The following TTC7A variants were observed in gnomAD, a reference collection of about 807,000 sequenced individuals.
TTC7A encodes tetratricopeptide repeat protein 7A.
A neutral mutation model predicts 103.7 loss-of-function variants in TTC7A; 110 were observed. The observed-to-expected ratio is 1.06, with a 90% CI of 0.91 to 1.24. TTC7A has a LOEUF of 1.24. Ranked by LOEUF, TTC7A falls within the 50% of genes most tolerant of loss-of-function variation. The pLI is 0.00. For missense variants in TTC7A, 1,340 were observed against 1,116.3 expected, an observed-to-expected ratio of 1.20 and a Z score of -2.86; for synonymous variants, 521 against 467.9, an observed-to-expected ratio of 1.11 and a Z score of -1.47.
intron 2 of TTC7A, among the ~76,000 whole-genome samples, chr2:46,926,247 A>G (rs943731403): frequency 6.6e-5 from 10 of 152,204 alleles, no homozygotes; most frequent in African/African-American, 2.4e-4. Context: ...TCGGGGAGAC[A>G]TATTTAGTTA....
intron 14 of TTC7A, among the ~76,000 whole-genome samples, chr2:47,025,160 C>T (rs11677097): frequency 0.55 from 83,813 of 152,096 alleles, 24,773 homozygotes; most frequent in East Asian, 0.81. Flanking sequence ...TCCAGGCCGG[C>T]GGAGGGAAGC....
At chr2:47,040,772 G>A (rs530975992) in intron 15 of TTC7A, among the ~76,000 whole-genome samples, 1 of 152,206 alleles carries the variant, frequency 6.6e-6, no homozygotes, top group Non-Finnish European at 1.5e-5. Context: ...GTGGAAGTTC[G>A]TGGGACAGGT....
At chr2:46,928,131 A>G (rs1374135593) in intron 2 of TTC7A, among the ~76,000 whole-genome samples, 4 of 151,766 alleles carry the variant, frequency 2.6e-5, no homozygotes, top group Non-Finnish European at 5.9e-5. Context: ...GGCTCAGGTG[A>G]TCTGCCCACC....
intron 2 of TTC7A, among the ~76,000 whole-genome samples, chr2:46,954,763 G>T (rs555215793): frequency 6.6e-6 from 1 of 152,040 alleles, no homozygotes; most frequent in East Asian, 1.9e-4. Context: ...GTAGAGACGG[G>T]TTTTACCATG....
In TTC7A at chr2:47,007,977, A is replaced by G. The variant is rs1677602180; in HGVS notation, c.1287+1253A>G. Among the ~76,000 whole-genome samples, 1 of 152,194 alleles carries G rather than the reference A, an allele frequency of 6.6e-6. No individual in the cohort carries two copies. The highest frequency in any genetic ancestry group is 1.5e-5 in the Non-Finnish European group (1 of 68,020). ...CTACAGAACTGCAGGCAAAGGAGACAATGTGGGCAACGGTGAAGGGGCTGG... is the reference window on the plus strand; with the variant it reads ...CTACAGAACTGCAGGCAAAGGAGACGATGTGGGCAACGGTGAAGGGGCTGG... On this transcript the variant is annotated intron_variant, in intron 10 of 19. Coordinates refer to ENST00000319190, the MANE Select transcript of TTC7A (RefSeq NM_020458.4). This position sits in a 1 kb window ranked among gnomAD's most constrained non-coding sequence, Gnocchi z 4.9.
intron 15 of TTC7A, chr2:47,040,479 A>C (rs138474741): frequency 2.0e-5 from 3 of 152,358 alleles, no homozygotes; most frequent in African/African-American, 7.2e-5. Flanking sequence ...TGCTTGCAAG[A>C]GGGGTCACAG....
Position 46,993,437 on chromosome 2 carries a change from G to C in TTC7A, c.765-13G>C. 6.2e-7 allele frequency: 1 copy of C among 1,614,028 alleles called. No individual in the cohort carries two copies. Among genetic ancestry groups the C allele is most frequent in the Non-Finnish European group, 8.5e-7 (1 of 1,179,882 alleles). ...GGCTGGTAACAAATCTACTTCTGCC[G>C]TCCTCCCACCAGGAACATCGTGAAG... On this transcript the variant is annotated splice_polypyrimidine_tract_variant and intron_variant, in intron 5 of 19. Transcript: ENST00000319190.
intron 15 of TTC7A, among the ~76,000 whole-genome samples, chr2:47,044,574 C>T (rs1014972003): frequency 2.0e-5 from 3 of 152,040 alleles, no homozygotes; most frequent in African/African-American, 7.3e-5. Context: ...GCCAGGTGGT[C>T]GTTAGTTCTA....
intron 3 of TTC7A, chr2:46,974,710 G>A: frequency 1.7e-6 from 1 of 572,082 alleles, no homozygotes; most frequent in Middle Eastern, 2.9e-4. Context: ...CGTTACAGAG[G>A]AGGGGTCAGG....
chr2:47,030,117 G>A lies in TTC7A; in HGVS notation c.1802+733G>A, dbSNP rs188098836. Among the ~76,000 whole-genome samples the A allele has an allele frequency of 2.6e-5, 4 of 152,346 alleles. No homozygotes were observed. The East Asian group carries it at 7.7e-4, about 29-fold the overall frequency. ...TGTTTCTCAGAACCCTGTGATCCCA[G>A]ATGAGGGACCCCTAAGTAACCCACT... On this transcript the variant is annotated intron_variant, in intron 15 of 19. Coordinates refer to ENST00000319190, the MANE Select transcript of TTC7A (RefSeq NM_020458.4).
chr2:47,067,238 A>G (rs1469607959), intron 19 of TTC7A, among the ~76,000 whole-genome samples: 1 of 152,262 alleles, frequency 6.6e-6, no homozygotes, highest in Non-Finnish European at 1.5e-5. Context: ...AATTGGGATG[A>G]TAATCTAGAC....
intron 1 of TTC7A, chr2:46,917,096 T>A: frequency 1.5e-6 from 1 of 685,202 alleles, no homozygotes; most frequent in Non-Finnish European, 2.6e-6. Context: ...GTCTCATTCC[T>A]TTTCCCACCT....
At chr2:47,052,986 T>C (rs149022804) in intron 18 of TTC7A, among the ~76,000 whole-genome samples, 518 of 152,296 alleles carry the variant, frequency 3.4e-3, no homozygotes, top group Middle Eastern at 6.8e-3. Context: ...GCTGAGAATC[T>C]AAGGTTTCCC....
intron 16 of TTC7A, among the ~76,000 whole-genome samples, chr2:47,048,216 C>A (rs927508809): frequency 6.6e-6 from 1 of 152,196 alleles, no homozygotes; most frequent in Non-Finnish European, 1.5e-5. Context: ...TGGGTTTTTG[C>A]TAACTGCTCA....
chr2:47,040,592 G>C (rs79717208), intron 15 of TTC7A: 5,842 of 152,346 alleles, frequency 0.038, 153 homozygotes, highest in South Asian at 0.075. Flanking sequence ...GAAGGGCCTA[G>C]TTCAACAGAC....
intron 5 of TTC7A, among the ~76,000 whole-genome samples, chr2:46,984,281 G>A (rs1572813648): frequency 6.6e-6 from 1 of 152,228 alleles, no homozygotes; most frequent in Non-Finnish European, 1.5e-5. Context: ...CTCACGCCCT[G>A]CAGGTGCTGT....
chr2:47,003,803 G>A (rs1380095337), intron 8 of TTC7A, among the ~76,000 whole-genome samples: 4 of 152,284 alleles, frequency 2.6e-5, no homozygotes, highest in South Asian at 2.1e-4. Flanking sequence ...TCTCACACCC[G>A]AGCCACTCTT....
Position 47,007,103 on chromosome 2 carries a change from T to A in TTC7A, c.1287+379T>A, listed in dbSNP as rs1677498558. ...TAGTTCTCATCCTGTCCACTGAGCA[T>A]AGCATCAGGAAATGGCCTGCTTGTG... On this transcript the variant is annotated intron_variant, in intron 10 of 19. Transcript: ENST00000319190. This position sits in a 1 kb window ranked among gnomAD's most constrained non-coding sequence, Gnocchi z 4.9. Among the ~76,000 whole-genome samples the A allele has an allele frequency of 6.6e-6, 1 of 152,122 alleles. No homozygotes were observed.
chr2:47,023,858 C>T (rs1164643672), intron 13 of TTC7A, among the ~76,000 whole-genome samples: 1 of 147,044 alleles, frequency 6.8e-6, no homozygotes, highest in African/African-American at 2.5e-5. Flanking sequence ...ACCCCTCCCA[C>T]TAAACCCACC....
Sources: gnomAD v4.1 joint callset for allele counts (sites outside exome capture counted in the v4.1 genomes callset) on GRCh38, gnomAD v4.1.1 for gene constraint, Gnocchi (gnomAD v3.1) non-coding constraint, MANE v1.5 for transcripts, NCBI Gene and HGNC (gene_info 2026-07-23, HGNC 2026-07-21) for gene names.